CNTN5: variants seen among roughly 807,000 people sequenced by gnomAD.
CNTN5 encodes contactin 5.
Under a neutral mutation model 129.1 loss-of-function variants are expected in CNTN5, and 77 were observed. That is an observed-to-expected ratio of 0.60 (90% CI 0.50 to 0.72). CNTN5 has a LOEUF of 0.72. CNTN5 is among the 30% of genes least tolerant of loss of function. CNTN5 has a pLI of 0.00. For synonymous variants in CNTN5, 509 were observed against 465.6 expected (o/e 1.09, Z -1.20); for missense variants, 1,478 against 1,328.8 (o/e 1.11, Z -1.75).
chr11:99,727,321 A>AAAAAAAAAAAAAAAAAAAAAAAAAAG (rs1319837016), intron 3 of CNTN5, among the ~76,000 whole-genome samples: 35 of 123,366 alleles, frequency 2.8e-4, no homozygotes, highest in Middle Eastern at 3.8e-3. Context: ...TCAAAAAAAA[A>AAAAAAAAAAAAAAAAAAAAAAAAAAG]AAAAAAAAAA....
At chr11:99,265,835 G>A (rs754151392) in intron 1 of CNTN5, among the ~76,000 whole-genome samples, 4 of 151,678 alleles carry the variant, frequency 2.6e-5, no homozygotes, top group Non-Finnish European at 5.9e-5. Context: ...TCATTCACTC[G>A]GTAAGTAGCT....
In CNTN5 at chr11:99,427,802, T is replaced by C. The variant is rs1294223008; in HGVS notation, c.-71+102318T>C. 2.0e-5 allele frequency among the ~76,000 whole-genome samples: 3 copies of C among 151,084 alleles called. No individual in the cohort carries two copies. The East Asian group carries it at 5.8e-4, about 29-fold the overall frequency. On this transcript the variant is annotated intron_variant, in intron 2 of 24. Transcript: ENST00000524871. ...AAAAAAAAAAAAAAAAGTTAAAATT[T>C]CTTATAATTCTATTAAGAACAAATG...
At chr11:100,114,968 G>A (rs553027763) in intron 13 of CNTN5, among the ~76,000 whole-genome samples, 1 of 151,792 alleles carries the variant, frequency 6.6e-6, no homozygotes, top group Non-Finnish European at 1.5e-5. Context: ...TTCTGACTGT[G>A]GAAGCTCCAT....
At chr11:100,264,828 A>G (rs1950270506) in intron 17 of CNTN5, among the ~76,000 whole-genome samples, 1 of 152,128 alleles carries the variant, frequency 6.6e-6, no homozygotes, top group Non-Finnish European at 1.5e-5. Context: ...CCAAGGGTCG[A>G]GCTAATTTAC....
At chr11:99,562,000 T>C (rs1221751849) in intron 3 of CNTN5, among the ~76,000 whole-genome samples, 1 of 152,142 alleles carries the variant, frequency 6.6e-6, no homozygotes. Context: ...TTGAGTTGGT[T>C]ATTTTGAAAA....
chr11:100,200,979 A>G (rs566121959), intron 15 of CNTN5, among the ~76,000 whole-genome samples: 100 of 152,080 alleles, frequency 6.6e-4, no homozygotes, highest in South Asian at 4.4e-3. Context: ...ATAATCCTAT[A>G]TTCTCACTGA....
At chr11:99,980,493 C>T (rs940092387) in intron 8 of CNTN5, among the ~76,000 whole-genome samples, 1 of 152,142 alleles carries the variant, frequency 6.6e-6, no homozygotes, top group African/African-American at 2.4e-5. Context: ...TACAGCCCTG[C>T]TTCTGAGATG....
At chr11:99,671,188 T>C (rs542601435) in intron 3 of CNTN5, among the ~76,000 whole-genome samples, 1 of 150,526 alleles carries the variant, frequency 6.6e-6, no homozygotes, top group Non-Finnish European at 1.5e-5. Context: ...TCTCATACTG[T>C]ATGGCAAGGC....
intron 3 of CNTN5, among the ~76,000 whole-genome samples, chr11:99,773,172 T>A (rs1160496220): frequency 5.9e-5 from 9 of 152,064 alleles, no homozygotes; most frequent in Admixed American, 5.9e-4. Flanking sequence ...TCAACCTGAA[T>A]TTTAATTTGC....
chr11:99,386,816 G>C (rs1411118654), intron 2 of CNTN5, among the ~76,000 whole-genome samples: 2 of 152,046 alleles, frequency 1.3e-5, no homozygotes, highest in East Asian at 3.9e-4. Context: ...CCAGATATAG[G>C]GAAACAGAGG....
At chr11:99,587,456 A>G (rs1949834213) in intron 3 of CNTN5, among the ~76,000 whole-genome samples, 2 of 152,244 alleles carry the variant, frequency 1.3e-5, no homozygotes, top group African/African-American at 2.4e-5. Flanking sequence ...CCTGAAAAGA[A>G]GAGCAACCAG....
intron 2 of CNTN5, among the ~76,000 whole-genome samples, chr11:99,479,187 T>A (rs1945493592): frequency 6.6e-6 from 1 of 152,028 alleles, no homozygotes; most frequent in South Asian, 2.1e-4. Flanking sequence ...AAGAACTATT[T>A]GTTTGTTTAA....
intron 1 of CNTN5, among the ~76,000 whole-genome samples, chr11:99,310,441 T>C (rs1269026223): frequency 2.0e-5 from 3 of 152,160 alleles, no homozygotes; most frequent in Admixed American, 6.5e-5. Flanking sequence ...AATATTGACA[T>C]AGTCACATAG....
intron 3 of CNTN5, among the ~76,000 whole-genome samples, chr11:99,811,405 A>T (rs569380016): frequency 6.6e-6 from 1 of 150,482 alleles, no homozygotes; most frequent in Non-Finnish European, 1.5e-5. Context: ...AAATATTGCC[A>T]TAAAGAATTT....
intron 8 of CNTN5, among the ~76,000 whole-genome samples, chr11:99,982,701 G>C (rs7117258): frequency 0.99 from 151,060 of 152,262 alleles, 74,947 homozygotes; most frequent in Middle Eastern, 1. Flanking sequence ...AGTGCAGTGG[G>C]GCGATCTTGG....
chr11:100,085,753 CG>C (rs1565226125), intron 13 of CNTN5, among the ~76,000 whole-genome samples: 1 of 151,982 alleles, frequency 6.6e-6, no homozygotes, highest in African/African-American at 2.4e-5. Context: ...CACACACACT[CG>C]TAACAAGTAA....
At position 99,388,982 on chromosome 11, in the gene CNTN5, CTTATTTTATTTTATT is replaced by C. The variant is rs527528323; in HGVS notation, c.-71+63546_-71+63560del. ...ATTTAAGACACCTAATTCTCCAGTC[CTTATTTTATTTTATT>C]TTATTTTATTTTATTTTATTTTATT... On this transcript the variant is annotated intron_variant, in intron 2 of 24. Coordinates refer to ENST00000524871, the MANE Select transcript of CNTN5 (RefSeq NM_014361.4). Among the ~76,000 whole-genome samples the C allele has an allele frequency of 3.4e-3, 407 of 120,426 alleles. 2 individuals carry two copies. Among genetic ancestry groups the C allele is most frequent in the East Asian group, 0.013 (49 of 3,730 alleles). 79.0% of individuals were successfully genotyped at this position (120,426 alleles called of 152,430 possible).
chr11:100,322,729 A>G (rs1250694746), intron 21 of CNTN5, among the ~76,000 whole-genome samples: 2 of 151,810 alleles, frequency 1.3e-5, no homozygotes, highest in African/African-American at 4.8e-5. Context: ...GCCTTCTTTG[A>G]GCTTTGTCAG....
At chr11:100,201,765 G>A (rs1355014093) in intron 15 of CNTN5, among the ~76,000 whole-genome samples, 1 of 151,944 alleles carries the variant, frequency 6.6e-6, no homozygotes, top group African/African-American at 2.4e-5. Context: ...GTGTTGCCCA[G>A]GTTCTCCCTT....
Sources: gnomAD v4.1 joint callset for allele counts (sites outside exome capture counted in the v4.1 genomes callset) on GRCh38, gnomAD v4.1.1 for gene constraint, MANE v1.5 for transcripts, NCBI Gene and HGNC (gene_info 2026-07-23, HGNC 2026-07-21) for gene names.